KCNAB2: variants seen among roughly 807,000 people sequenced by gnomAD.
KCNAB2 encodes voltage-gated potassium channel subunit beta-2.
Under a neutral mutation model 63.6 loss-of-function variants are expected in KCNAB2, and 29 were observed. The observed-to-expected ratio is 0.46, with a 90% CI of 0.34 to 0.62. The LOEUF (loss-of-function observed/expected upper bound fraction) is 0.62, where lower values mean the gene tolerates loss of function less well. KCNAB2 is among the 20% of genes least tolerant of loss of function. KCNAB2 has a pLI of 0.01. For missense variants in KCNAB2, 359 were observed against 563.9 expected (o/e 0.64, Z 3.68); for synonymous variants, 222 against 224.2 (o/e 0.99, Z 0.09).
intron 14 of KCNAB2, 82 bp from the exon 15 acceptor site, chr1:6,097,187 C>T (rs1170939641): frequency 4.9e-6 from 7 of 1,423,228 alleles, no homozygotes; most frequent in African/African-American, 1.4e-5. Context: ...CTGGGTCTCT[C>T]GGCCCAGTCA....
chr1:6,047,933 T>C (rs1032348153), intron 1 of KCNAB2, among the ~76,000 whole-genome samples: 1 of 152,150 alleles, frequency 6.6e-6, no homozygotes, highest in African/African-American at 2.4e-5. Context: ...GGCTCTGGGC[T>C]CCCTCCGTGC....
chr1:6,095,975 C>A, intron 13 of KCNAB2: 1 of 422,324 alleles, frequency 2.4e-6, no homozygotes, highest in Admixed American at 2.7e-5. Context: ...TGGGCCTGGG[C>A]TCCGAGATGG....
intron 11 of KCNAB2, 45 bp from the exon 12 acceptor site, chr1:6,095,278 C>G: frequency 6.4e-7 from 1 of 1,566,984 alleles, no homozygotes; most frequent in Non-Finnish European, 8.6e-7. Flanking sequence ...AGCCTCCCGC[C>G]TGCTCACAGG....
intron 3 of KCNAB2, 131 bp downstream of exon 3, chr1:6,072,929 C>A: frequency 1.3e-6 from 1 of 751,070 alleles, no homozygotes; most frequent in East Asian, 2.7e-5. Context: ...TAGCTGCACC[C>A]AGAGCCCAGG....
chr1:6,006,971 G>A lies in KCNAB2; in HGVS notation c.-53+14183G>A, dbSNP rs116413958. On this transcript the variant is annotated intron_variant, in intron 1 of 16. Transcript: ENST00000341524. Reference sequence around the variant, plus strand: ...TCTGGGGAAGGACGGTAAACAGTTCGCCTTATTCTGTGCTGGGCACTGTGC... The same window carrying A: ...TCTGGGGAAGGACGGTAAACAGTTCACCTTATTCTGTGCTGGGCACTGTGC... 3.8e-3 allele frequency among the ~76,000 whole-genome samples: 584 copies of A among 152,236 alleles called. 7 individuals carry two copies. The highest frequency in any genetic ancestry group is 0.014 in the African/African-American group (561 of 41,552).
chr1:6,031,289 G>T (rs1366029906), upstream of KCNAB2, among the ~76,000 whole-genome samples: 1 of 152,204 alleles, frequency 6.6e-6, no homozygotes, highest in Non-Finnish European at 1.5e-5. This position sits in a 1 kb window ranked among gnomAD's most constrained non-coding sequence, Gnocchi z 4.1. Flanking sequence ...GGCTCCGACA[G>T]GGTACAGATT....
intron 2 of KCNAB2, among the ~76,000 whole-genome samples, chr1:6,072,346 G>A (rs1571025186): frequency 6.6e-6 from 1 of 152,354 alleles, no homozygotes; most frequent in East Asian, 1.9e-4. Context: ...GAGACAGGAA[G>A]AAGAGACACA....
chr1:6,093,459 C>G (rs999547145), intron 10 of KCNAB2, among the ~76,000 whole-genome samples: 1 of 152,274 alleles, frequency 6.6e-6, no homozygotes, highest in Non-Finnish European at 1.5e-5. Flanking sequence ...ATTGCTGTGT[C>G]TCAAAGCCAT....
At chr1:6,063,638 T>C (rs1662508081) in intron 2 of KCNAB2, among the ~76,000 whole-genome samples, 1 of 152,142 alleles carries the variant, frequency 6.6e-6, no homozygotes, top group Admixed American at 6.5e-5. Flanking sequence ...CTCAAATTCC[T>C]GACCTCAGGT....
At chr1:6,052,234 C>T (rs1402901367) in intron 2 of KCNAB2, among the ~76,000 whole-genome samples, 3 of 152,112 alleles carry the variant, frequency 2.0e-5, no homozygotes, top group Non-Finnish European at 4.4e-5. Flanking sequence ...CCAGCCTAGG[C>T]AACATGGCAA....
intron 1 of KCNAB2, chr1:6,007,539 C>CCGCGCCG (rs1345504601): frequency 3.9e-4 from 25 of 64,880 alleles, no homozygotes; most frequent in African/African-American, 1.3e-3. Context: ...CCTCTGCGCC[C>CCGCGCCG]CGCGCCGTGC....
At chr1:6,075,147 C>A (rs4908758) in intron 4 of KCNAB2, among the ~76,000 whole-genome samples, 50,162 of 152,016 alleles carry the variant, frequency 0.33, 9,998 homozygotes, top group African/African-American at 0.56. Context: ...CCTTGCCTGA[C>A]TTGGCCTCGT....
At chr1:6,079,037 C>G (rs1333732248) in intron 4 of KCNAB2, among the ~76,000 whole-genome samples, 2 of 152,168 alleles carry the variant, frequency 1.3e-5, no homozygotes, top group Non-Finnish European at 2.9e-5. Context: ...GCAGGGGAAG[C>G]CGCGGCAGGG....
chr1:6,067,401 G>T (rs571944328), intron 2 of KCNAB2, among the ~76,000 whole-genome samples: 4 of 152,304 alleles, frequency 2.6e-5, no homozygotes, highest in African/African-American at 9.6e-5. Context: ...GTTTATAGCT[G>T]GTATGGGTGC....
At chr1:6,033,463 G>A (rs1335099670), upstream of KCNAB2, among the ~76,000 whole-genome samples, 1 of 152,116 alleles carries the variant, frequency 6.6e-6, no homozygotes, top group Non-Finnish European at 1.5e-5. Flanking sequence ...CTGTGCATAT[G>A]TAGGTGTGTG....
At chr1:6,009,425 G>A (rs542976113) in intron 1 of KCNAB2, among the ~76,000 whole-genome samples, 2 of 152,198 alleles carry the variant, frequency 1.3e-5, no homozygotes, top group African/African-American at 4.8e-5. Context: ...GTGCATATGT[G>A]TATGCACACA....
At chr1:6,093,100 C>T (rs114645050) in intron 10 of KCNAB2, among the ~76,000 whole-genome samples, 16 of 152,346 alleles carry the variant, frequency 1.1e-4, no homozygotes, top group African/African-American at 3.8e-4. Flanking sequence ...CAGAACAAAC[C>T]CAGCATCTTC....
intron 5 of KCNAB2, among the ~76,000 whole-genome samples, chr1:6,083,496 C>G (rs539577099): frequency 3.9e-5 from 6 of 152,332 alleles, no homozygotes; most frequent in African/African-American, 1.4e-4. Context: ...CCCTGGGTCT[C>G]CGGCAGCCTC....
At chr1:6,013,566 T>C (rs1436667385) in intron 1 of KCNAB2, among the ~76,000 whole-genome samples, 1 of 151,738 alleles carries the variant, frequency 6.6e-6, no homozygotes, top group Non-Finnish European at 1.5e-5. Flanking sequence ...GCTCCAGGGC[T>C]CCCCCACACC....
Sources: allele counts gnomAD v4.1 joint callset (sites outside exome capture counted in the v4.1 genomes callset), GRCh38; gene constraint gnomAD v4.1.1; non-coding constraint Gnocchi (gnomAD v3.1); transcripts MANE v1.5; gene names NCBI Gene and HGNC (gene_info 2026-07-23, HGNC 2026-07-21).